Variants in BOLL observed in about 807,000 individuals in gnomAD.
The protein encoded by BOLL is boule RNA binding protein, also known as protein boule-like.
BOLL carries 23 observed loss-of-function variants against 44.4 expected under a neutral mutation model. The observed-to-expected ratio is 0.52, with a 90% CI of 0.37 to 0.73. The LOEUF is 0.73. Ranked by LOEUF, BOLL falls within the 30% of genes least tolerant of loss-of-function variation. The pLI is 0.00. For synonymous variants in BOLL, 97 were observed against 110.8 expected (o/e 0.88, Z 0.78); for missense variants, 287 against 338.3 (o/e 0.85, Z 1.19).
chr2:197,762,937 A>G (rs1264971856), intron 7 of BOLL, among the ~76,000 whole-genome samples: 4 of 152,206 alleles, frequency 2.6e-5, no homozygotes, highest in African/African-American at 7.2e-5. Flanking sequence ...TAACAAAACA[A>G]AAGGTTGACT....
intron 6 of BOLL, among the ~76,000 whole-genome samples, chr2:197,769,993 G>T (rs548697095): frequency 6.6e-6 from 1 of 151,932 alleles, no homozygotes; most frequent in Non-Finnish European, 1.5e-5. Flanking sequence ...AGAATTGGAA[G>T]AAACTACTTT....
intron 4 of BOLL, 26 bp downstream of exon 4, chr2:197,777,033 A>C: frequency 1.3e-6 from 2 of 1,511,414 alleles, no homozygotes; most frequent in Non-Finnish European, 1.8e-6. Context: ...TCCAGAAATG[A>C]AGTTAAATAC....
chr2:197,730,256 T>G (rs1687095727), intron 10 of BOLL, among the ~76,000 whole-genome samples: 1 of 127,976 alleles, frequency 7.8e-6, no homozygotes, highest in Non-Finnish European at 1.7e-5. Context: ...GAAGGGAAGT[T>G]TAGAGAAAAA....
chr2:197,755,544 C>A (rs1215459421), intron 9 of BOLL, among the ~76,000 whole-genome samples: 1 of 152,194 alleles, frequency 6.6e-6, no homozygotes, highest in Non-Finnish European at 1.5e-5. Flanking sequence ...ACATATACAT[C>A]ATGGAATGCT....
chr2:197,777,620 T>A (rs1481948701), intron 3 of BOLL, among the ~76,000 whole-genome samples: 1 of 151,872 alleles, frequency 6.6e-6, no homozygotes, highest in Non-Finnish European at 1.5e-5. Flanking sequence ...CCAAACAATA[T>A]CAATTAAAAA....
At chr2:197,733,135 A>G (rs1258165294) in intron 10 of BOLL, among the ~76,000 whole-genome samples, 3 of 133,954 alleles carry the variant, frequency 2.2e-5, no homozygotes, top group Admixed American at 1.6e-4. Flanking sequence ...AAATCAATGT[A>G]CAAAAATCAC....
chr2:197,756,067 A>AT (rs997351136), intron 9 of BOLL: 22 of 152,532 alleles, frequency 1.4e-4, no homozygotes, highest in Admixed American at 3.3e-4. Flanking sequence ...TTTTTTAAAG[A>AT]TTTTTTTTCT....
chr2:197,734,966 TA>T (rs930443218), intron 10 of BOLL, among the ~76,000 whole-genome samples: 44 of 151,530 alleles, frequency 2.9e-4, no homozygotes, highest in African/African-American at 9.7e-4. Context: ...ATAATAAAAT[TA>T]AAAAAAAGAA....
chr2:197,743,682 C>T lies in BOLL; in HGVS notation c.730-523G>A, dbSNP rs1574817457. The stretch of plus-strand genomic sequence containing the variant: ...CTACATATGTTATTTAAAATTTTCC[C>T]ATTGTCATGTTAGAAAAATAAAAAA... On this transcript the variant is annotated intron_variant, in intron 9 of 10. Coordinates refer to ENST00000392296, the MANE Select transcript of BOLL (RefSeq NM_033030.6). Among the ~76,000 whole-genome samples the T allele has an allele frequency of 2.0e-5, 3 of 152,170 alleles. No homozygotes were observed. The South Asian group carries it at 6.2e-4, about 32-fold the overall frequency.
intron 9 of BOLL, among the ~76,000 whole-genome samples, chr2:197,750,904 A>G (rs1161224337): frequency 1.3e-5 from 2 of 152,080 alleles, no homozygotes; most frequent in Non-Finnish European, 2.9e-5. Flanking sequence ...GAAGTAAAAC[A>G]CTCCTCAGAA....
rs141251225 is a variant in BOLL at position 197,785,009 on chromosome 2, C to A, written c.-16+47G>T. The A allele has an allele frequency of 3.3e-4, 328 of 986,010 alleles. 3 individuals carry two copies. In the African/African-American group the frequency reaches 5.2e-3, roughly 16 times the overall value. 61.1% of individuals were successfully genotyped at this position (986,010 alleles called of 1,614,324 possible). On this transcript the variant is annotated intron_variant, in intron 1 of 10. Transcript: ENST00000392296. This position sits in a 1 kb window ranked among gnomAD's most constrained non-coding sequence, Gnocchi z 6.7. ...TCCCCTTGAGAATCAACCTCGAGAT[C>A]TAGCATCTATTTTGCAAACGAAGAC...
At chr2:197,742,377 C>T (rs1488176205) in intron 10 of BOLL, among the ~76,000 whole-genome samples, 13 of 152,086 alleles carry the variant, frequency 8.5e-5, no homozygotes, top group Admixed American at 1.3e-4. Flanking sequence ...ATGTTTATTG[C>T]GGCACTATTC....
At chr2:197,786,157 G>A (rs957167029), upstream of BOLL, 13 of 1,179,704 alleles carry the variant, frequency 1.1e-5, no homozygotes, top group Admixed American at 3.1e-5. The surrounding 1 kb of genome is among the most constrained non-coding windows in gnomAD (Gnocchi z 5.9). Flanking sequence ...AAGCAGGCTC[G>A]GACCCCGGCC....
chr2:197,766,708 G>T, intron 6 of BOLL, 105 bp from the exon 7 acceptor site: 2 of 764,116 alleles, frequency 2.6e-6, no homozygotes, highest in Non-Finnish European at 4.3e-6. Context: ...TCTGGTTTAT[G>T]ATTAGAAATA....
rs191120175 is a variant in BOLL at position 197,753,877 on chromosome 2, G to A, written c.729+2551C>T. On this transcript the variant is annotated intron_variant, in intron 9 of 10. Coordinates refer to ENST00000392296, the MANE Select transcript of BOLL (RefSeq NM_033030.6). ...CACTATTTACAATAGCAAAGACTTG[G>A]AACCAACCCAAATGCCCATCAATGA... Among the ~76,000 whole-genome samples the A allele has an allele frequency of 2.5e-3, 378 of 152,194 alleles. 1 individual carries two copies. Among genetic ancestry groups the A allele is most frequent in the African/African-American group, 8.8e-3 (364 of 41,516 alleles).
At chr2:197,785,381 G>A (rs1474450380), upstream of BOLL, 1 of 985,990 alleles carries the variant, frequency 1.0e-6, no homozygotes, top group East Asian at 1.1e-4. The surrounding 1 kb of genome is among the most constrained non-coding windows in gnomAD (Gnocchi z 6.7). Flanking sequence ...GGCGGGGCGG[G>A]ATGGCACGTT....
rs372783878 is a variant in BOLL, at chr2:197,768,111, A to G, written c.481-1508T>C. ...TACACCAGCTACAATCTATTAGGAAATGTTATTTAAAAAACAGCATTCATT... is the reference window on the plus strand; with the variant it reads ...TACACCAGCTACAATCTATTAGGAAGTGTTATTTAAAAAACAGCATTCATT... On this transcript the variant is annotated intron_variant, in intron 6 of 10. Transcript: ENST00000392296. 3.3e-5 allele frequency among the ~76,000 whole-genome samples: 5 copies of G among 152,180 alleles called. No homozygotes were observed. In the East Asian group the frequency reaches 9.6e-4, roughly 29 times the overall value.
At chr2:197,756,391 G>T in intron 9 of BOLL, 37 bp downstream of exon 9, 1 of 1,486,428 alleles carries the variant, frequency 6.7e-7, no homozygotes, top group Non-Finnish European at 9.0e-7. Flanking sequence ...TTAACATGAG[G>T]TAGTTATAGA....
intron 1 of BOLL, among the ~76,000 whole-genome samples, chr2:197,783,317 G>C (rs1049068059): frequency 6.6e-6 from 1 of 152,094 alleles, no homozygotes; most frequent in Non-Finnish European, 1.5e-5. Context: ...AATAACAAAA[G>C]CTTGAAGTTC....
Sources: gnomAD v4.1 joint callset for allele counts (sites outside exome capture counted in the v4.1 genomes callset) on GRCh38, gnomAD v4.1.1 for gene constraint, Gnocchi (gnomAD v3.1) non-coding constraint, MANE v1.5 for transcripts, NCBI Gene and HGNC (gene_info 2026-07-23, HGNC 2026-07-21) for gene names.